The following ATP13A4 variants were observed in gnomAD, a reference collection of about 807,000 sequenced individuals.
ATP13A4 encodes the protein ATPase 13A4, also known as probable cation-transporting ATPase 13A4.
Under a neutral mutation model 142.5 loss-of-function variants are expected in ATP13A4, and 114 were observed. That is an observed-to-expected ratio of 0.80 (90% CI 0.69 to 0.93). The LOEUF (loss-of-function observed/expected upper bound fraction) is 0.93, where lower values mean the gene tolerates loss of function less well. Ranked by LOEUF, ATP13A4 falls within the 40% of genes least tolerant of loss-of-function variation. The pLI is 0.00. For missense variants in ATP13A4, 1,392 were observed against 1,454.0 expected (o/e 0.96, Z 0.69); for synonymous variants, 488 against 514.8 (o/e 0.95, Z 0.70).
chr3:193,507,389 C>T (rs561416968), intron 2 of ATP13A4, among the ~76,000 whole-genome samples: 3 of 152,054 alleles, frequency 2.0e-5, no homozygotes, highest in South Asian at 2.1e-4. Context: ...CTTAACATCC[C>T]GACCTCATAT....
chr3:193,429,023 C>T (rs1715827915), intron 25 of ATP13A4, among the ~76,000 whole-genome samples: 1 of 151,964 alleles, frequency 6.6e-6, no homozygotes, highest in Non-Finnish European at 1.5e-5. Flanking sequence ...CCAAAGAAGA[C>T]ATGTAAATGG....
chr3:193,464,987 G>T lies in ATP13A4; in HGVS notation c.1414C>A (p.Gln472Lys), dbSNP rs146360602. 14 of 1,614,084 alleles carry T rather than the reference G, an allele frequency of 8.7e-6. No individual in the cohort carries two copies. Among genetic ancestry groups the T allele is most frequent in the Non-Finnish European group, 1.1e-5 (13 of 1,180,004 alleles). The change falls in exon 12 of 30, where the codon CAG (glutamine) becomes AAG (lysine). Residue 472 changes from glutamine to lysine, a missense_variant. Physicochemically the swap from Gln to Lys is moderately conservative, Grantham distance 53. Transcript: ENST00000342695. ...KKRGIFCISP[Q>K]RINVCGQLNL... Reference sequence around the variant, plus strand: ...AACTGTCCACATACGTTGATCCTCTGGGGGCTAATGCAGAAGATGCCTCTC... The same window carrying T: ...AACTGTCCACATACGTTGATCCTCTTGGGGCTAATGCAGAAGATGCCTCTC...
At chr3:193,415,418 TG>T (rs1370435784) in intron 25 of ATP13A4, among the ~76,000 whole-genome samples, 1 of 151,988 alleles carries the variant, frequency 6.6e-6, no homozygotes, top group African/African-American at 2.4e-5. Context: ...TGCAACCAAG[TG>T]AACACTGAAT....
At chr3:193,432,606 T>C (rs77305259) in intron 25 of ATP13A4, among the ~76,000 whole-genome samples, 2,072 of 152,162 alleles carry the variant, frequency 0.014, 41 homozygotes, top group African/African-American at 0.039. Context: ...AGTTGAACCT[T>C]AAATGCATAT....
chr3:193,464,410 G>A (rs962924206), intron 12 of ATP13A4, among the ~76,000 whole-genome samples: 2 of 152,186 alleles, frequency 1.3e-5, no homozygotes, highest in Non-Finnish European at 2.9e-5. Context: ...TACGAGGCTG[G>A]TTGGGAATAA....
At chr3:193,543,700 C>T (rs892573871) in intron 1 of ATP13A4, among the ~76,000 whole-genome samples, 5 of 152,150 alleles carry the variant, frequency 3.3e-5, no homozygotes, top group South Asian at 4.1e-4. Flanking sequence ...AGATAATCCA[C>T]GAAGTCATAA....
At chr3:193,458,228 A>G (rs1717749761) in intron 14 of ATP13A4, among the ~76,000 whole-genome samples, 1 of 152,224 alleles carries the variant, frequency 6.6e-6, no homozygotes, top group African/African-American at 2.4e-5. Flanking sequence ...GCTCAGGAGA[A>G]AGGAAGGGAT....
intron 7 of ATP13A4, 114 bp downstream of exon 7, chr3:193,489,616 C>T: frequency 8.5e-7 from 1 of 1,170,248 alleles, no homozygotes. Flanking sequence ...CAAACTTGCT[C>T]TCATTTACTA....
rs565946951 is a variant in ATP13A4 at position 193,566,824 on chromosome 3, T to A, written n.291+14883A>T. The stretch of plus-strand genomic sequence containing the variant: ...TTTCAGTTACTACTAAAATATTTGA[T>A]GGCACACATATGTTAAAAATGAAAA... On this transcript the variant is annotated intron_variant and non_coding_transcript_variant, in intron 2 of 3. Coordinates refer to the ATP13A4 transcript ENST00000489140. 2.0e-5 allele frequency among the ~76,000 whole-genome samples: 3 copies of A among 152,378 alleles called. No individual in the cohort carries two copies. The South Asian group carries it at 6.2e-4, about 32-fold the overall frequency.
At chr3:193,444,798 G>T (rs530799446) in intron 18 of ATP13A4, among the ~76,000 whole-genome samples, 84 of 152,276 alleles carry the variant, frequency 5.5e-4, no homozygotes, top group African/African-American at 1.9e-3. Flanking sequence ...CTTCTCCCAG[G>T]TTTCTACCAA....
At chr3:193,524,102 T>C (rs574909149) in intron 1 of ATP13A4, among the ~76,000 whole-genome samples, 4 of 152,178 alleles carry the variant, frequency 2.6e-5, no homozygotes, top group African/African-American at 7.2e-5. Flanking sequence ...AATAAACCTC[T>C]TTTCTTTATA....
At chr3:193,488,887 A>T (rs1384165330) in intron 7 of ATP13A4, among the ~76,000 whole-genome samples, 2 of 152,166 alleles carry the variant, frequency 1.3e-5, no homozygotes, top group East Asian at 3.9e-4. Flanking sequence ...GGACTGCACA[A>T]GCACCCCAGG....
In ATP13A4 at chr3:193,502,512, A is replaced by G. The variant is rs183452285; in HGVS notation, c.362T>C (p.Ile121Thr). 1 of 1,614,082 alleles carries G rather than the reference A, an allele frequency of 6.2e-7. No individual in the cohort carries two copies. Among genetic ancestry groups the G allele is most frequent in the Admixed American group, 1.7e-5 (1 of 60,014 alleles). Residue 121 changes from isoleucine to threonine, a missense_variant, in exon 3 of 30, where the codon ATA (isoleucine) becomes ACA (threonine). Transcript: ENST00000342695. ...ACTTACCTTTAGGTCTGGCTTTCTT[A>G]TGGCTCTATTTATGATATACTCCTC... is the stretch of plus-strand genomic sequence containing the variant. ...TDEEYIINRA[I>T]RKPDLKVRCI...
chr3:193,582,394 G>T (rs548869432), intron 1 of ATP13A4, among the ~76,000 whole-genome samples: 1 of 148,804 alleles, frequency 6.7e-6, no homozygotes, highest in Non-Finnish European at 1.5e-5. Context: ...TGATCCGTCC[G>T]CCTCAGCCTC....
At chr3:193,576,564 C>T (rs1724402349) in intron 2 of ATP13A4, among the ~76,000 whole-genome samples, 1 of 152,130 alleles carries the variant, frequency 6.6e-6, no homozygotes, top group Non-Finnish European at 1.5e-5. Context: ...AGCCACCGCG[C>T]CCGGCCTTGA....
At chr3:193,534,850 C>T (rs1577060060) in intron 1 of ATP13A4, among the ~76,000 whole-genome samples, 1 of 151,824 alleles carries the variant, frequency 6.6e-6, no homozygotes, top group East Asian at 1.9e-4. Flanking sequence ...TGGTAAAAGA[C>T]ATAAACCTAC....
chr3:193,443,956 T>C (rs1235660798), intron 18 of ATP13A4, among the ~76,000 whole-genome samples: 2 of 151,712 alleles, frequency 1.3e-5, no homozygotes, highest in Non-Finnish European at 2.9e-5. Flanking sequence ...GATACCAAAA[T>C]AATTCATATT....
intron 9 of ATP13A4, among the ~76,000 whole-genome samples, chr3:193,467,826 C>T (rs1483224216): frequency 6.6e-6 from 1 of 151,962 alleles, no homozygotes; most frequent in East Asian, 1.9e-4. Context: ...AATAAAGGGC[C>T]GTGAGAGCTA....
chr3:193,487,705 A>C (rs1328130311), intron 7 of ATP13A4, among the ~76,000 whole-genome samples: 2 of 152,190 alleles, frequency 1.3e-5, no homozygotes, highest in Middle Eastern at 3.2e-3. Flanking sequence ...GAAATTTTCT[A>C]TCTCTATATC....
Sources: gnomAD v4.1 joint callset for allele counts (sites outside exome capture counted in the v4.1 genomes callset) on GRCh38, gnomAD v4.1.1 for gene constraint, MANE v1.5 for transcripts, NCBI Gene and HGNC (gene_info 2026-07-23, HGNC 2026-07-21) for gene names.